NDUFAF2: variants seen among roughly 807,000 people sequenced by gnomAD.
NDUFAF2 encodes the protein NADH dehydrogenase [ubiquinone] 1 alpha subcomplex assembly factor 2.
In NDUFAF2, 13 loss-of-function variants were observed where a neutral mutation model predicts 22.8. The ratio of observed to expected loss-of-function variants is 0.57; its 90% confidence interval spans 0.37 to 0.91. The LOEUF is 0.91. Ranked by LOEUF, NDUFAF2 falls within the 40% of genes least tolerant of loss-of-function variation. NDUFAF2 has a pLI of 0.01. For synonymous variants in NDUFAF2, 53 were observed against 64.2 expected (o/e 0.83, Z 0.84); for missense variants, 162 against 195.2 (o/e 0.83, Z 1.01).
chr5:61,012,363 A>C (rs958420623), intron 1 of NDUFAF2, among the ~76,000 whole-genome samples: 5 of 152,260 alleles, frequency 3.3e-5, no homozygotes, highest in African/African-American at 1.2e-4. Context: ...TTAAAATTAA[A>C]TGAATTTTGT....
intron 1 of NDUFAF2, among the ~76,000 whole-genome samples, chr5:61,008,314 A>G (rs1751399514): frequency 6.6e-6 from 1 of 152,058 alleles, no homozygotes. Flanking sequence ...AAAAAAAAGA[A>G]TGGATTTTCA....
intron 1 of NDUFAF2, among the ~76,000 whole-genome samples, chr5:60,961,947 C>A (rs959530687): frequency 6.7e-6 from 1 of 150,292 alleles, no homozygotes; most frequent in South Asian, 2.1e-4. Context: ...AGTGACACAG[C>A]AAGACTCTTT....
intron 1 of NDUFAF2, among the ~76,000 whole-genome samples, chr5:61,033,369 C>G (rs538689669): frequency 3.9e-5 from 6 of 152,138 alleles, no homozygotes; most frequent in Middle Eastern, 3.4e-3. Context: ...TATGGCAATA[C>G]CTAATTAAGT....
intron 1 of NDUFAF2, among the ~76,000 whole-genome samples, chr5:61,040,302 G>GCA (rs1491236283): frequency 6.8e-6 from 1 of 146,368 alleles, no homozygotes; most frequent in Non-Finnish European, 1.5e-5. Flanking sequence ...GCGCGCGCGC[G>GCA]AAAGTTGAAA....
At chr5:61,060,215 A>G (rs1287230548) in intron 1 of NDUFAF2, among the ~76,000 whole-genome samples, 1 of 152,182 alleles carries the variant, frequency 6.6e-6, no homozygotes, top group East Asian at 1.9e-4. Context: ...AGATGCTGCA[A>G]CTGAGTAACT....
chr5:61,133,815 A>C (rs1245064095), intron 3 of NDUFAF2, among the ~76,000 whole-genome samples: 1 of 152,218 alleles, frequency 6.6e-6, no homozygotes, highest in Non-Finnish European at 1.5e-5. Context: ...TGTGCTAGAC[A>C]TTGTTGTAGG....
intron 3 of NDUFAF2, among the ~76,000 whole-genome samples, chr5:61,119,759 C>T (rs1579840657): frequency 6.6e-6 from 1 of 152,304 alleles, no homozygotes; most frequent in Middle Eastern, 3.4e-3. Context: ...GTAGGGTTGT[C>T]TGCACTCAGA....
intron 1 of NDUFAF2, among the ~76,000 whole-genome samples, chr5:61,037,149 GTC>G (rs1057435109): frequency 6.6e-6 from 1 of 152,158 alleles, no homozygotes; most frequent in Non-Finnish European, 1.5e-5. Context: ...TTAAAGATAA[GTC>G]TCTGGAAGAT....
intron 1 of NDUFAF2, among the ~76,000 whole-genome samples, chr5:61,042,759 A>G (rs78163658): frequency 0.014 from 2,194 of 152,332 alleles, 66 homozygotes; most frequent in African/African-American, 0.05. Context: ...ACATTCATTC[A>G]GACAATGGGA....
At chr5:61,037,673 G>T (rs1016651217) in intron 1 of NDUFAF2, among the ~76,000 whole-genome samples, 2 of 152,076 alleles carry the variant, frequency 1.3e-5, no homozygotes, top group African/African-American at 4.8e-5. Context: ...TATACTTGGT[G>T]AAAGAACCCA....
intron 1 of NDUFAF2, among the ~76,000 whole-genome samples, chr5:60,983,975 A>G (rs1580079469): frequency 1.3e-5 from 2 of 152,068 alleles, no homozygotes; most frequent in East Asian, 3.9e-4. Flanking sequence ...CATTGAATCT[A>G]TAAATTACCT....
At chr5:60,981,297 T>C (rs911016116) in intron 1 of NDUFAF2, among the ~76,000 whole-genome samples, 3 of 152,112 alleles carry the variant, frequency 2.0e-5, no homozygotes, top group African/African-American at 7.2e-5. Flanking sequence ...TTTAACATGC[T>C]GAAAGAAAAA....
In NDUFAF2 at chr5:61,136,041, A is replaced by C. The variant is rs867369759; in HGVS notation, c.259-16663A>C. Among the ~76,000 whole-genome samples, 16 of 108,732 alleles carry C rather than the reference A, an allele frequency of 1.5e-4. 2 individuals carry two copies. The highest frequency in any genetic ancestry group is 3.5e-4 in the African/African-American group (10 of 28,182). The allele number at this position is 108,732 out of a possible 152,430, so 71.3% of individuals were successfully genotyped here. A position where few individuals can be genotyped will look rare whatever the true frequency, so the allele number is the denominator to read the frequency against. ...TATATATATATATATATATATATAT[A>C]TCTAGGGTGGATTGCTTTTTTTCTC... is the stretch of plus-strand genomic sequence containing the variant. On this transcript the variant is annotated intron_variant, in intron 3 of 3. Transcript: ENST00000296597.
chr5:61,033,073 T>C (rs1261933064), intron 1 of NDUFAF2, among the ~76,000 whole-genome samples: 1 of 152,220 alleles, frequency 6.6e-6, no homozygotes, highest in African/African-American at 2.4e-5. Flanking sequence ...TCCTCTCTTA[T>C]TTACTCGAGT....
intron 1 of NDUFAF2, among the ~76,000 whole-genome samples, chr5:61,011,512 T>C (rs1175994668): frequency 1.3e-5 from 2 of 152,072 alleles, no homozygotes; most frequent in African/African-American, 4.8e-5. Flanking sequence ...GGGAGATTAG[T>C]GGTGCAAATT....
chr5:60,946,465 T>C (rs1750457627), intron 1 of NDUFAF2, among the ~76,000 whole-genome samples: 1 of 152,194 alleles, frequency 6.6e-6, no homozygotes, highest in Non-Finnish European at 1.5e-5. Flanking sequence ...ATTTTAATAT[T>C]TAGACTTGTT....
chr5:61,087,209 A>G (rs145246836), intron 2 of NDUFAF2, among the ~76,000 whole-genome samples: 12 of 152,266 alleles, frequency 7.9e-5, no homozygotes, highest in Non-Finnish European at 1.3e-4. Flanking sequence ...AAGAAGTCAT[A>G]TGGGTACACA....
At chr5:60,953,638 G>A (rs1750577085) in intron 1 of NDUFAF2, among the ~76,000 whole-genome samples, 1 of 152,052 alleles carries the variant, frequency 6.6e-6, no homozygotes, top group Non-Finnish European at 1.5e-5. Flanking sequence ...GTATTTGTTG[G>A]GTGTAGTTTC....
chr5:61,051,869 C>A (rs550216057), intron 1 of NDUFAF2, among the ~76,000 whole-genome samples: 1 of 152,226 alleles, frequency 6.6e-6, no homozygotes, highest in South Asian at 2.1e-4. Context: ...ATTAGCTATG[C>A]ATTTTCTAAG....
Sources: gnomAD v4.1 joint callset for allele counts (sites outside exome capture counted in the v4.1 genomes callset) on GRCh38, gnomAD v4.1.1 for gene constraint, MANE v1.5 for transcripts, NCBI Gene and HGNC (gene_info 2026-07-23, HGNC 2026-07-21) for gene names.